ETV6: variants seen among roughly 807,000 people sequenced by gnomAD.
ETV6 encodes transcription factor ETV6.
A neutral mutation model predicts 51.1 loss-of-function variants in ETV6; 16 were observed. That is an observed-to-expected ratio of 0.31 (90% CI 0.21 to 0.48). The LOEUF is 0.48. ETV6 is among the 20% of genes least tolerant of loss of function. ETV6 has a pLI of 0.99. For missense variants in ETV6, 458 were observed against 594.8 expected, an observed-to-expected ratio of 0.77 and a Z score of 2.39; for synonymous variants, 240 against 224.1, an observed-to-expected ratio of 1.07 and a Z score of -0.64.
At chr12:11,710,558 C>T (rs536025518) in intron 1 of ETV6, among the ~76,000 whole-genome samples, 6 of 152,272 alleles carry the variant, frequency 3.9e-5, no homozygotes, top group South Asian at 2.1e-4. Context: ...GACTTTAGAG[C>T]GCTTGCTTCT....
chr12:11,769,244 C>G (rs974516995), intron 2 of ETV6, among the ~76,000 whole-genome samples: 5 of 152,166 alleles, frequency 3.3e-5, no homozygotes, highest in African/African-American at 4.8e-5. Flanking sequence ...TATTGAAGTC[C>G]AGAGTTTTAT....
At chr12:11,817,370 A>G (rs537621303) in intron 2 of ETV6, among the ~76,000 whole-genome samples, 1 of 152,342 alleles carries the variant, frequency 6.6e-6, no homozygotes, top group African/African-American at 2.4e-5. Context: ...GCTGTACTGT[A>G]TTATGAAAGC....
intron 2 of ETV6, among the ~76,000 whole-genome samples, chr12:11,812,298 C>G (rs1386255235): frequency 1.3e-5 from 2 of 152,142 alleles, no homozygotes; most frequent in Non-Finnish European, 2.9e-5. Flanking sequence ...TAATTCCTTG[C>G]AGTATTTTGG....
chr12:11,746,781 T>G (rs966712681), intron 1 of ETV6, among the ~76,000 whole-genome samples: 12 of 122,684 alleles, frequency 9.8e-5, no homozygotes, highest in Admixed American at 3.3e-4. Context: ...GCTAATGCTC[T>G]CTCTCTCTCT....
intron 1 of ETV6, among the ~76,000 whole-genome samples, chr12:11,654,768 T>G (rs1863969523): frequency 6.6e-6 from 1 of 152,204 alleles, no homozygotes; most frequent in African/African-American, 2.4e-5. Context: ...AGTTCTGTTT[T>G]GGGCTGAAGG....
intron 1 of ETV6, among the ~76,000 whole-genome samples, chr12:11,698,476 A>C (rs1233567844): frequency 6.6e-6 from 1 of 152,228 alleles, no homozygotes; most frequent in Non-Finnish European, 1.5e-5. Flanking sequence ...AGCAGAATTT[A>C]GTACCTTGTG....
intron 1 of ETV6, among the ~76,000 whole-genome samples, chr12:11,653,304 G>C (rs1863940836): frequency 6.6e-6 from 1 of 152,214 alleles, no homozygotes; most frequent in South Asian, 2.1e-4. Context: ...TGCAGCGGAA[G>C]GTGGTTGTGG....
intron 5 of ETV6, among the ~76,000 whole-genome samples, chr12:11,880,153 T>C (rs1947067401): frequency 6.6e-6 from 1 of 152,160 alleles, no homozygotes; most frequent in South Asian, 2.1e-4. Context: ...AAGCCACTTA[T>C]ACTCTGAGCT....
At chr12:11,657,087 C>T (rs903434218) in intron 1 of ETV6, among the ~76,000 whole-genome samples, 33 of 152,026 alleles carry the variant, frequency 2.2e-4, no homozygotes, top group African/African-American at 7.3e-4. Flanking sequence ...TGATTTTGAA[C>T]GACTCTAGTG....
intron 1 of ETV6, among the ~76,000 whole-genome samples, chr12:11,726,963 A>G (rs954759066): frequency 7.9e-5 from 12 of 152,206 alleles, no homozygotes; most frequent in Admixed American, 7.9e-4. Flanking sequence ...GAGGAAACCG[A>G]GCTTTGGGAC....
chr12:11,687,510 G>A (rs929779940), intron 1 of ETV6, among the ~76,000 whole-genome samples: 4 of 152,030 alleles, frequency 2.6e-5, no homozygotes, highest in African/African-American at 7.2e-5. Context: ...ATAAGAAAAT[G>A]AGTAGACACA....
At chr12:11,685,350 A>G (rs866845334) in intron 1 of ETV6, among the ~76,000 whole-genome samples, 28 of 151,914 alleles carry the variant, frequency 1.8e-4, no homozygotes, top group African/African-American at 6.0e-4. Context: ...AAAAAAAGAA[A>G]TGGAAAATTC....
intron 1 of ETV6, among the ~76,000 whole-genome samples, chr12:11,664,345 T>C (rs1864156691): frequency 6.6e-6 from 1 of 152,134 alleles, no homozygotes; most frequent in Non-Finnish European, 1.5e-5. Context: ...TTTATTTTTG[T>C]CCCACATAAG....
intron 2 of ETV6, among the ~76,000 whole-genome samples, chr12:11,784,782 G>T (rs970110638): frequency 1.3e-5 from 2 of 151,444 alleles, no homozygotes; most frequent in Admixed American, 1.3e-4. Context: ...CACTGCAGCC[G>T]CAAACTCTTG....
chr12:11,777,646 C>G (rs1046829354), intron 2 of ETV6, among the ~76,000 whole-genome samples: 75 of 152,252 alleles, frequency 4.9e-4, no homozygotes, highest in African/African-American at 1.8e-3. Flanking sequence ...AGGATAAATG[C>G]ACCAGCTGTA....
In ETV6 at chr12:11,839,273, A is replaced by G; in HGVS notation, c.297A>G (p.Lys99=). Reference sequence around the variant, plus strand: ...GCAAAGCTCTCCTGCTGCTGACCAAAGAGGACTTTCGCTATCGATCTCCTC... The same window carrying G: ...GCAAAGCTCTCCTGCTGCTGACCAAGGAGGACTTTCGCTATCGATCTCCTC... The part of the protein sequence containing the change: ...MNGKALLLLT[K]EDFRYRSPHS... The change falls in exon 3 of 8, where the codon AAA becomes AAG. Residue 99 remains lysine (K), a synonymous_variant. Coordinates refer to ENST00000396373, the MANE Select transcript of ETV6 (RefSeq NM_001987.5). 3.1e-6 allele frequency: 5 copies of G among 1,614,168 alleles called. No homozygotes were observed. Among genetic ancestry groups the G allele is most frequent in the Non-Finnish European group, 4.2e-6 (5 of 1,179,978 alleles).
chr12:11,830,494 C>T (rs1946226061), intron 2 of ETV6, among the ~76,000 whole-genome samples: 1 of 152,200 alleles, frequency 6.6e-6, no homozygotes, highest in African/African-American at 2.4e-5. Context: ...TAGATGATGG[C>T]ATGACATGGA....
Position 11,891,464 on chromosome 12 carries a change from T to C in ETV6, c.*418T>C. ...CCTATGGAAATATATATCTATTATA[T>C]ATATATTTTTTGCAAATCTCACAAA... is the stretch of plus-strand genomic sequence containing the variant. On this transcript the variant is annotated 3_prime_UTR_variant, in exon 8 of 8. Transcript: ENST00000396373. 2.0e-6 allele frequency: 1 copy of C among 489,034 alleles called. No homozygotes were observed. Among genetic ancestry groups the C allele is most frequent in the Non-Finnish European group, 3.8e-6 (1 of 260,814 alleles). 30.3% of individuals were successfully genotyped at this position (489,034 alleles called of 1,614,324 possible).
chr12:11,760,562 C>A (rs1190280178), intron 2 of ETV6, among the ~76,000 whole-genome samples: 1 of 152,080 alleles, frequency 6.6e-6, no homozygotes, highest in Non-Finnish European at 1.5e-5. Flanking sequence ...TTTAAAAGCA[C>A]CTAGGACAAG....
Sources: allele counts gnomAD v4.1 joint callset (sites outside exome capture counted in the v4.1 genomes callset), GRCh38; gene constraint gnomAD v4.1.1; transcripts MANE v1.5; gene names NCBI Gene and HGNC (gene_info 2026-07-23, HGNC 2026-07-21).